The following KIAA0513 variants were observed in gnomAD, a reference collection of about 807,000 sequenced individuals.
KIAA0513 encodes KIAA0513, also known as uncharacterized protein KIAA0513.
A neutral mutation model predicts 56.5 loss-of-function variants in KIAA0513; 39 were observed. That is an observed-to-expected ratio of 0.69 (90% CI 0.53 to 0.90). KIAA0513 has a LOEUF of 0.90. Ranked by LOEUF, KIAA0513 falls within the 40% of genes least tolerant of loss-of-function variation. The pLI, the probability that KIAA0513 is intolerant of heterozygous loss-of-function variation, is 0.00. For synonymous variants in KIAA0513, 268 were observed against 215.6 expected (o/e 1.24, Z -2.13); for missense variants, 591 against 535.2 (o/e 1.10, Z -1.03).
At position 85,042,298 on chromosome 16, in the gene KIAA0513, T is replaced by A. The variant is rs79307299; in HGVS notation, c.-173+14440T>A. ...ATATCAAATTGCTAATCACGTGCGG[T>A]CTGTGTGTCTTCCAAATGAGGAGAC... On this transcript the variant is annotated intron_variant, in intron 1 of 12. Transcript: ENST00000683363. 3.4e-3 allele frequency among the ~76,000 whole-genome samples: 511 copies of A among 152,284 alleles called. 1 individual carries two copies. The highest frequency in any genetic ancestry group is 0.012 in the African/African-American group (481 of 41,562).
At position 85,049,178 on chromosome 16, in the gene KIAA0513, C is replaced by T. The variant is rs545981547; in HGVS notation, c.-172-17722C>T. Among the ~76,000 whole-genome samples the T allele has an allele frequency of 2.6e-5, 4 of 152,358 alleles. No individual in the cohort carries two copies. The South Asian group carries it at 6.2e-4, about 24-fold the overall frequency. On this transcript the variant is annotated intron_variant, in intron 1 of 12. Transcript: ENST00000683363. ...CCCCAGCCAGAGATGGCAGGTGTCA[C>T]GGGTAGGCAGGGACAGACACTAGTG...
At chr16:85,064,170 T>G (rs2073446298) in intron 1 of KIAA0513, among the ~76,000 whole-genome samples, 1 of 152,010 alleles carries the variant, frequency 6.6e-6, no homozygotes, top group East Asian at 1.9e-4. Flanking sequence ...CATGCCTGGC[T>G]AATTTTTGTA....
chr16:85,088,451 C>T lies in KIAA0513; in HGVS notation c.*126C>T. 1 of 744,778 alleles carries T rather than the reference C, an allele frequency of 1.3e-6. No individual in the cohort carries two copies. Among genetic ancestry groups the T allele is most frequent in the South Asian group, 1.5e-5 (1 of 64,886 alleles). The allele number at this position is 744,778 out of a possible 1,614,324, so 46.1% of individuals were successfully genotyped here. A position where few individuals can be genotyped will look rare whatever the true frequency, so the allele number is the denominator to read the frequency against. On this transcript the variant is annotated 3_prime_UTR_variant, in exon 13 of 13. Transcript: ENST00000683363. Reference sequence around the variant, plus strand: ...CAGCACCCAGAGCCACTCCTGCTGCCCTAGAACTAGCGGTTAGAAGAATCC... The same window carrying T: ...CAGCACCCAGAGCCACTCCTGCTGCTCTAGAACTAGCGGTTAGAAGAATCC...
chr16:85,086,760 G>C (rs542627001), intron 11 of KIAA0513, 36 bp downstream of exon 11: 4 of 1,566,236 alleles, frequency 2.6e-6, no homozygotes, highest in Non-Finnish European at 2.6e-6. Context: ...AGGGGAGAGG[G>C]GGGAGGGCCC....
chr16:85,081,181 C>G lies in KIAA0513; in HGVS notation c.903-134C>G. The G allele has an allele frequency of 5.1e-6, 4 of 787,124 alleles. No individual in the cohort carries two copies. In the East Asian group the frequency reaches 7.7e-5, roughly 15 times the overall value. 48.8% of individuals were successfully genotyped at this position (787,124 alleles called of 1,614,324 possible). On this transcript the variant is annotated intron_variant, in intron 8 of 12. Coordinates refer to ENST00000683363, the MANE Select transcript of KIAA0513 (RefSeq NM_001388359.1). The surrounding 1 kb of genome is among the most constrained non-coding windows in gnomAD (Gnocchi z 4.4). ...CATATGCTCAGTTTTTCCTTCTCAGCCCTACCTCTCTGAGACTTCTTAGAA... is the reference window on the plus strand; with the variant it reads ...CATATGCTCAGTTTTTCCTTCTCAGGCCTACCTCTCTGAGACTTCTTAGAA...
At chr16:85,040,696 A>G (rs896816356) in intron 1 of KIAA0513, among the ~76,000 whole-genome samples, 3 of 152,168 alleles carry the variant, frequency 2.0e-5, no homozygotes, top group African/African-American at 7.2e-5. Context: ...ACCCTCCCCA[A>G]GCTATCATTG....
At chr16:85,050,355 A>AT (rs1358723255) in intron 1 of KIAA0513, among the ~76,000 whole-genome samples, 1 of 54,492 alleles carries the variant, frequency 1.8e-5, no homozygotes, top group Non-Finnish European at 3.6e-5. Context: ...TTATTTATTT[A>AT]TTTATTTTTT....
At chr16:85,067,477 G>A (rs72805409) in intron 2 of KIAA0513, 77 bp downstream of exon 2, 53,828 of 1,221,260 alleles carry the variant, frequency 0.044, 1,374 homozygotes, top group Non-Finnish European at 0.051. Context: ...TCTCGGCTCT[G>A]CCTCTCCCCA....
chr16:85,054,456 A>G (rs1338726790), intron 1 of KIAA0513, among the ~76,000 whole-genome samples: 4 of 119,594 alleles, frequency 3.3e-5, no homozygotes, highest in Admixed American at 2.2e-4. Context: ...GTTGAGATGG[A>G]GTCTCACTCT....
intron 1 of KIAA0513, among the ~76,000 whole-genome samples, chr16:85,028,909 C>T (rs1372713397): frequency 6.6e-6 from 1 of 152,144 alleles, no homozygotes; most frequent in Non-Finnish European, 1.5e-5. Context: ...GCCTGCGACT[C>T]GATGTTGATG....
intron 1 of KIAA0513, among the ~76,000 whole-genome samples, chr16:85,049,822 C>T (rs2073224140): frequency 6.6e-6 from 1 of 152,208 alleles, no homozygotes; most frequent in Non-Finnish European, 1.5e-5. Flanking sequence ...GCCTCATTCA[C>T]ATTCATAAGG....
At chr16:85,077,774 C>T (rs557728632) in intron 6 of KIAA0513, 142 bp downstream of exon 6, 3 of 666,668 alleles carry the variant, frequency 4.5e-6, no homozygotes, top group Non-Finnish European at 7.7e-6. Flanking sequence ...CTTCTGCCCC[C>T]ACGGCTTGCT....
chr16:85,068,500 T>C (rs1406548015), intron 2 of KIAA0513, among the ~76,000 whole-genome samples: 1 of 151,532 alleles, frequency 6.6e-6, no homozygotes, highest in East Asian at 1.9e-4. Context: ...ACCCGGCTAG[T>C]TTTTTGTATT....
chr16:85,073,418 G>C (rs556353933), intron 4 of KIAA0513, among the ~76,000 whole-genome samples: 1 of 152,160 alleles, frequency 6.6e-6, no homozygotes, highest in African/African-American at 2.4e-5. Flanking sequence ...CTTTCCCTGC[G>C]AACACTGATT....
intron 1 of KIAA0513, among the ~76,000 whole-genome samples, chr16:85,036,371 C>T (rs2073036653): frequency 6.6e-6 from 1 of 152,166 alleles, no homozygotes; most frequent in South Asian, 2.1e-4. Flanking sequence ...ACCACTAATC[C>T]AGTTTCTGAC....
chr16:85,037,585 T>G (rs2073051812), intron 1 of KIAA0513, among the ~76,000 whole-genome samples: 1 of 152,078 alleles, frequency 6.6e-6, no homozygotes, highest in Non-Finnish European at 1.5e-5. Context: ...TAGAAGGAAA[T>G]AGAAAACCCG....
At chr16:85,063,726 C>G (rs1349601304) in intron 1 of KIAA0513, 1 of 152,092 alleles carries the variant, frequency 6.6e-6, no homozygotes, top group African/African-American at 2.4e-5. Flanking sequence ...AGGAAATCAC[C>G]CTGATGCCAG....
Position 85,081,393 on chromosome 16 carries a change from G to C in KIAA0513, c.980+1G>C. 1 of 1,560,874 alleles carries C rather than the reference G, an allele frequency of 6.4e-7. No homozygotes were observed. Among genetic ancestry groups the C allele is most frequent in the Middle Eastern group, 1.7e-4 (1 of 6,006 alleles). ...GGACAAAGCGATCTCCCACTACCAG[G>C]TAGGAGCAAAGTGTGGCCCCATTTG... On this transcript the variant is annotated splice_donor_variant, in intron 9 of 12. Coordinates refer to ENST00000683363, the MANE Select transcript of KIAA0513 (RefSeq NM_001388359.1). LOFTEE classifies it high-confidence loss of function. This position sits in a 1 kb window ranked among gnomAD's most constrained non-coding sequence, Gnocchi z 4.4.
intron 10 of KIAA0513, among the ~76,000 whole-genome samples, chr16:85,085,265 G>A (rs938502673): frequency 3.9e-5 from 6 of 152,248 alleles, no homozygotes; most frequent in African/African-American, 9.6e-5. Flanking sequence ...CCATCGGCAC[G>A]AGGAGGCTGG....
Sources: allele counts gnomAD v4.1 joint callset (sites outside exome capture counted in the v4.1 genomes callset), GRCh38; gene constraint gnomAD v4.1.1; non-coding constraint Gnocchi (gnomAD v3.1); transcripts MANE v1.5; gene names NCBI Gene and HGNC (gene_info 2026-07-23, HGNC 2026-07-21).